MIS18BP1: variants seen among roughly 807,000 people sequenced by gnomAD.
MIS18BP1 encodes the protein MIS18 binding protein 1.
A neutral mutation model predicts 116.1 loss-of-function variants in MIS18BP1; 72 were observed. The ratio of observed to expected loss-of-function variants is 0.62; its 90% CI spans 0.51 to 0.75. MIS18BP1 has a LOEUF of 0.75. Ranked by LOEUF, MIS18BP1 falls within the 30% of genes least tolerant of loss-of-function variation. MIS18BP1 has a pLI of 0.00. For synonymous variants in MIS18BP1, 386 were observed against 427.0 expected, an observed-to-expected ratio of 0.90 and a Z score of 1.18; for missense variants, 1,363 against 1,303.2, an observed-to-expected ratio of 1.05 and a Z score of -0.71.
intron 11 of MIS18BP1, 67 bp from the exon 12 acceptor site, chr14:45,218,521 A>G: frequency 2.9e-6 from 4 of 1,359,796 alleles, no homozygotes; most frequent in South Asian, 1.5e-5. Context: ...TCTTAAAAGC[A>G]TAACACTGAA....
intron 9 of MIS18BP1, 108 bp downstream of exon 9, chr14:45,227,555 A>T: frequency 9.8e-7 from 1 of 1,017,498 alleles, no homozygotes; most frequent in Non-Finnish European, 1.4e-6. Flanking sequence ...AAAAGAAAAA[A>T]AAAAAAAAAA....
intron 8 of MIS18BP1, among the ~76,000 whole-genome samples, chr14:45,230,630 T>C (rs1891248147): frequency 6.6e-6 from 1 of 152,154 alleles, no homozygotes; most frequent in Non-Finnish European, 1.5e-5. Context: ...TTATTATTAT[T>C]ATTTTTTGAG....
intron 5 of MIS18BP1, among the ~76,000 whole-genome samples, chr14:45,236,259 T>C (rs1293539748): frequency 6.6e-6 from 1 of 152,218 alleles, no homozygotes; most frequent in African/African-American, 2.4e-5. Flanking sequence ...ATGCTAAGCT[T>C]CCAAAGAATG....
chr14:45,236,678 C>A (rs1212893838), intron 5 of MIS18BP1, among the ~76,000 whole-genome samples: 3 of 152,164 alleles, frequency 2.0e-5, no homozygotes, highest in Admixed American at 2.0e-4. Context: ...CTCTTCAATT[C>A]TCTTTTGCTT....
chr14:45,211,173 C>G (rs1189273898), intron 13 of MIS18BP1, among the ~76,000 whole-genome samples: 3 of 152,160 alleles, frequency 2.0e-5, no homozygotes, highest in Non-Finnish European at 4.4e-5. Flanking sequence ...ATGCCTTATG[C>G]ACATGTTTTT....
At chr14:45,231,049 C>T (rs758579435) in intron 8 of MIS18BP1, 92 bp downstream of exon 8, 2 of 1,343,294 alleles carry the variant, frequency 1.5e-6, no homozygotes, top group Non-Finnish European at 2.0e-6. Context: ...ATACTATACA[C>T]ATTACTACTA....
At chr14:45,234,351 TAAAAA>T in intron 6 of MIS18BP1, among the ~76,000 whole-genome samples, 1 of 131,174 alleles carries the variant, frequency 7.6e-6, no homozygotes, top group Admixed American at 7.5e-5. Context: ...AAAAGAGAAA[TAAAAA>T]AAAAAAGGAG....
chr14:45,244,868 C>T (rs1425910425), intron 2 of MIS18BP1, among the ~76,000 whole-genome samples: 1 of 152,210 alleles, frequency 6.6e-6, no homozygotes, highest in African/African-American at 2.4e-5. Context: ...ATTGGTCTGT[C>T]TGTGTTCTGG....
At position 45,226,781 on chromosome 14, in the gene MIS18BP1, T is replaced by C. The variant is rs1891133076; in HGVS notation, c.1802A>G (p.Glu601Gly). 1 of 1,415,926 alleles carries C rather than the reference T, an allele frequency of 7.1e-7. No individual in the cohort carries two copies. The highest frequency in any genetic ancestry group is 9.4e-7 in the Non-Finnish European group (1 of 1,063,440). The allele number at this position is 1,415,926 out of a possible 1,614,324, so 87.7% of individuals were successfully genotyped here. The change falls in exon 10 of 17, where the codon GAA (glutamate) becomes GGA (glycine). Residue 601 changes from glutamate (E) to glycine (G), a missense_variant. By Grantham distance (98) the Glu-to-Gly change is moderately conservative (BLOSUM62 -2). Transcript: ENST00000310806. ...KMSSKKLKIGERTNERIIKSQ... is the reference protein window; with the variant it reads ...KMSSKKLKIGGRTNERIIKSQ... ...TTTTATTATCCTTTCATTTGTTCTT[T>C]CACCAATTTTTAGTTTCTTTGAAGA...
At chr14:45,209,816 G>T (rs1002155287) in intron 14 of MIS18BP1, among the ~76,000 whole-genome samples, 1 of 152,136 alleles carries the variant, frequency 6.6e-6, no homozygotes, top group South Asian at 2.1e-4. Context: ...TGCAAAGATC[G>T]CACTACTTTA....
rs1891595297 is a variant in MIS18BP1 at position 45,242,173 on chromosome 14, G to A, written c.1004C>T (p.Ser335Phe). The change falls in exon 4 of 17, where the codon TCC becomes TTC. Residue 335 changes from serine (S) to phenylalanine (F), a missense_variant. Transcript: ENST00000310806. ...TVPGETGLPG[S>F]MKDTCKIVLA... ...TACAATTTTACATGTATCTTTCATG[G>A]AACCTGGAAGACCTGTCTCTCCAGG... is the stretch of plus-strand genomic sequence containing the variant. 1.2e-6 allele frequency: 2 copies of A among 1,613,856 alleles called. No individual in the cohort carries two copies. Among genetic ancestry groups the A allele is most frequent in the Non-Finnish European group, 1.7e-6 (2 of 1,179,978 alleles).
intron 14 of MIS18BP1, among the ~76,000 whole-genome samples, chr14:45,208,331 T>G (rs1890577911): frequency 1.4e-5 from 1 of 70,824 alleles, no homozygotes; most frequent in Non-Finnish European, 3.0e-5. Context: ...GATGAAGTTG[T>G]TTTTTTTTTT....
At chr14:45,244,818 C>A (rs369944385) in intron 2 of MIS18BP1, among the ~76,000 whole-genome samples, 1 of 152,140 alleles carries the variant, frequency 6.6e-6, no homozygotes, top group East Asian at 1.9e-4. Context: ...AAATAATAAT[C>A]CACCAACATC....
chr14:45,224,062 GTTTC>G lies in MIS18BP1; in HGVS notation c.2521_2524del (p.Glu841LeufsTer17). On this transcript the variant is annotated frameshift_variant, in exon 11 of 17. Transcript: ENST00000310806. LOFTEE classifies it high-confidence loss of function. ...TTTCCTAACACCAGACTTCTGAAGA[GTTTC>G]TTTGACGGAAGGTCTAGCTTTCTTT... 1 of 1,613,774 alleles carries G rather than the reference GTTTC, an allele frequency of 6.2e-7. No homozygotes were observed. The highest frequency in any genetic ancestry group is 8.5e-7 in the Non-Finnish European group (1 of 1,179,954).
intron 14 of MIS18BP1, chr14:45,206,478 G>T (rs1232894390): frequency 2.7e-5 from 6 of 221,650 alleles, no homozygotes; most frequent in Non-Finnish European, 3.6e-5. Flanking sequence ...TTAAGAGACA[G>T]GGTTTCACCA....
intron 12 of MIS18BP1, among the ~76,000 whole-genome samples, chr14:45,217,412 A>AC (rs1890852557): frequency 6.6e-6 from 1 of 152,078 alleles, no homozygotes; most frequent in Non-Finnish European, 1.5e-5. Context: ...ATATAGTGAG[A>AC]CCCCATCTCT....
At chr14:45,248,487 G>A (rs1195216460) in intron 1 of MIS18BP1, among the ~76,000 whole-genome samples, 5 of 151,992 alleles carry the variant, frequency 3.3e-5, no homozygotes, top group Non-Finnish European at 7.4e-5. Context: ...TCAATCCAAG[G>A]AGCCTGGAAC....
chr14:45,205,070 A>G (rs1890476706), intron 15 of MIS18BP1, among the ~76,000 whole-genome samples: 1 of 152,168 alleles, frequency 6.6e-6, no homozygotes, highest in South Asian at 2.1e-4. Flanking sequence ...ATGGCTGGCA[A>G]TCCTTAAAAA....
intron 8 of MIS18BP1, among the ~76,000 whole-genome samples, chr14:45,228,254 C>T (rs1244397981): frequency 6.6e-6 from 1 of 152,180 alleles, no homozygotes; most frequent in African/African-American, 2.4e-5. Flanking sequence ...TGGAAAGAAT[C>T]ACTCTGTATA....
Sources: gnomAD v4.1 joint callset for allele counts (sites outside exome capture counted in the v4.1 genomes callset) on GRCh38, gnomAD v4.1.1 for gene constraint, MANE v1.5 for transcripts, NCBI Gene and HGNC (gene_info 2026-07-23, HGNC 2026-07-21) for gene names.